The following OSBPL8 variants were observed in gnomAD, a reference collection of about 807,000 sequenced individuals.
OSBPL8 encodes oxysterol binding protein like 8.
A neutral mutation model predicts 125.5 loss-of-function variants in OSBPL8; 59 were observed. The observed-to-expected ratio is 0.47, with a 90% CI of 0.38 to 0.58. The LOEUF (loss-of-function observed/expected upper bound fraction) is 0.58. Among genes scored for constraint, OSBPL8 ranks in the 20% least tolerant of loss-of-function variants. The pLI is 0.00. For missense variants in OSBPL8, 758 were observed against 1,047.8 expected, an observed-to-expected ratio of 0.72 and a Z score of 3.82; for synonymous variants, 330 against 338.9, an observed-to-expected ratio of 0.97 and a Z score of 0.29.
intron 15 of OSBPL8, among the ~76,000 whole-genome samples, chr12:76,380,932 A>C (rs1953021800): frequency 6.6e-6 from 1 of 152,198 alleles, no homozygotes. Flanking sequence ...CTAAGAAATA[A>C]ATAGGTGTTG....
At chr12:76,395,040 C>A (rs1953733485) in intron 8 of OSBPL8, among the ~76,000 whole-genome samples, 1 of 151,946 alleles carries the variant, frequency 6.6e-6, no homozygotes, top group African/African-American at 2.4e-5. Context: ...AATGTCCATC[C>A]CATGGATACA....
intron 4 of OSBPL8, among the ~76,000 whole-genome samples, chr12:76,417,594 T>C (rs1003167755): frequency 3.3e-5 from 5 of 152,198 alleles, no homozygotes; most frequent in African/African-American, 1.2e-4. Context: ...CTTACTTTCC[T>C]CTTCACTAAT....
At chr12:76,393,642 C>T (rs1199574236) in intron 9 of OSBPL8, among the ~76,000 whole-genome samples, 2 of 128,576 alleles carry the variant, frequency 1.6e-5, no homozygotes, top group Non-Finnish European at 1.6e-5. Flanking sequence ...ACCCGGGAGA[C>T]GGAGCTTGCA....
chr12:76,476,739 A>G (rs1467149067), intron 2 of OSBPL8, among the ~76,000 whole-genome samples: 1 of 152,184 alleles, frequency 6.6e-6, no homozygotes, highest in Non-Finnish European at 1.5e-5. Flanking sequence ...AATAATTCTG[A>G]AAACCTACAC....
chr12:76,530,007 C>G (rs1488985311), intron 1 of OSBPL8, among the ~76,000 whole-genome samples: 1 of 152,088 alleles, frequency 6.6e-6, no homozygotes, highest in Non-Finnish European at 1.5e-5. Context: ...CCACAAAAGC[C>G]TCTATGATAT....
chr12:76,500,047 A>C (rs1037685306), intron 1 of OSBPL8, among the ~76,000 whole-genome samples: 1 of 152,128 alleles, frequency 6.6e-6, no homozygotes. Context: ...TCACGCCTAC[A>C]TATTATATCA....
intron 1 of OSBPL8, among the ~76,000 whole-genome samples, chr12:76,551,100 A>AACAC (rs139067397): frequency 2.0e-5 from 3 of 151,402 alleles, no homozygotes; most frequent in African/African-American, 7.3e-5. Flanking sequence ...AAGAGAGGAA[A>AACAC]ACACACACAC....
intron 1 of OSBPL8, among the ~76,000 whole-genome samples, chr12:76,514,692 T>C (rs1881355565): frequency 6.6e-6 from 1 of 152,222 alleles, no homozygotes; most frequent in African/African-American, 2.4e-5. Context: ...ATTTGACTGT[T>C]GGCCTCTCTA....
At chr12:76,503,987 CTTT>C (rs1035006764) in intron 1 of OSBPL8, among the ~76,000 whole-genome samples, 1 of 142,696 alleles carries the variant, frequency 7.0e-6, no homozygotes, top group Admixed American at 7.2e-5. Context: ...GCTGTGAAGA[CTTT>C]TTTTTTTAGA....
In OSBPL8 at chr12:76,513,768, T is replaced by C. The variant is rs1270003281; in HGVS notation, c.-67-26150A>G. 2.7e-5 allele frequency among the ~76,000 whole-genome samples: 4 copies of C among 147,030 alleles called. No individual in the cohort carries two copies. In the Admixed American group the frequency reaches 2.7e-4, roughly 10 times the overall value. On this transcript the variant is annotated intron_variant, in intron 1 of 23. Coordinates refer to ENST00000261183, the MANE Select transcript of OSBPL8 (RefSeq NM_020841.5). ...GGTTTTTTTTTTTTTTTTTTTCCGG[T>C]TTTCTGTTTGTTTGGTAGATTCTCC...
intron 1 of OSBPL8, among the ~76,000 whole-genome samples, chr12:76,557,466 T>C (rs1158724261): frequency 2.6e-5 from 4 of 151,862 alleles, no homozygotes; most frequent in Non-Finnish European, 5.9e-5. Flanking sequence ...AATACAAAAA[T>C]TAGCCTGGCA....
chr12:76,384,059 T>G (rs977265475), intron 15 of OSBPL8, among the ~76,000 whole-genome samples, 195 bp downstream of exon 15: 1 of 152,246 alleles, frequency 6.6e-6, no homozygotes, highest in African/African-American at 2.4e-5. Context: ...TTGTGATATA[T>G]TCACATATAT....
intron 4 of OSBPL8, chr12:76,422,846 G>A (rs1869672622): frequency 8.6e-6 from 2 of 231,726 alleles, no homozygotes; most frequent in Middle Eastern, 1.7e-3. Context: ...AAGCCTGACA[G>A]AAAAAGCATT....
chr12:76,496,838 G>A (rs921580958), intron 1 of OSBPL8, among the ~76,000 whole-genome samples: 1 of 152,094 alleles, frequency 6.6e-6, no homozygotes, highest in Admixed American at 6.6e-5. Flanking sequence ...CACCGTGCGT[G>A]GCCTTGGCTA....
chr12:76,460,667 G>T (rs942319405), intron 2 of OSBPL8, among the ~76,000 whole-genome samples: 4 of 152,040 alleles, frequency 2.6e-5, no homozygotes, highest in Admixed American at 2.6e-4. Context: ...AAAGAAACAG[G>T]AAAAAGTCTG....
In OSBPL8 at chr12:76,397,922, A is replaced by T. The variant is rs576514178; in HGVS notation, c.469-25T>A. ...TCTACAGAAAGATAAATTTATTTTA[A>T]AAAGGAAGATCTGTTCTCCAAGGTC... is the stretch of plus-strand genomic sequence containing the variant. On this transcript the variant is annotated intron_variant, in intron 7 of 23. Transcript: ENST00000261183. The T allele has an allele frequency of 1.6e-5, 25 of 1,602,898 alleles. No individual in the cohort carries two copies. In the South Asian group the frequency reaches 2.7e-4, roughly 17 times the overall value.
chr12:76,546,657 G>A (rs1001990652), intron 1 of OSBPL8, among the ~76,000 whole-genome samples: 8 of 151,862 alleles, frequency 5.3e-5, no homozygotes, highest in Non-Finnish European at 1.2e-4. Context: ...GGATTCAATC[G>A]GTCAACAAGA....
At chr12:76,545,022 T>C (rs1274504150) in intron 1 of OSBPL8, among the ~76,000 whole-genome samples, 1 of 152,102 alleles carries the variant, frequency 6.6e-6, no homozygotes, top group African/African-American at 2.4e-5. Flanking sequence ...GAGTAAGTGG[T>C]TTGCCAAGGT....
chr12:76,443,381 T>C (rs1872408812), intron 4 of OSBPL8, among the ~76,000 whole-genome samples: 1 of 151,984 alleles, frequency 6.6e-6, no homozygotes, highest in South Asian at 2.1e-4. Context: ...CAGAAGAATG[T>C]GTGTCATGTT....
Sources: gnomAD v4.1 joint callset for allele counts (sites outside exome capture counted in the v4.1 genomes callset) on GRCh38, gnomAD v4.1.1 for gene constraint, MANE v1.5 for transcripts, NCBI Gene and HGNC (gene_info 2026-07-23, HGNC 2026-07-21) for gene names.